The following VPS13C variants were observed in gnomAD, a reference collection of about 807,000 sequenced individuals.
VPS13C encodes vacuolar protein sorting 13 homolog C, also known as intermembrane lipid transfer protein VPS13C.
Under a neutral mutation model 456.8 loss-of-function variants are expected in VPS13C, and 358 were observed. The observed-to-expected ratio is 0.78, with a 90% confidence interval of 0.72 to 0.86. The LOEUF is 0.86. Among genes scored for constraint, VPS13C ranks in the 40% least tolerant of loss-of-function variants. The probability of loss-of-function intolerance (pLI) is 0.00; values close to 1 mark genes in which losing one functional copy is unlikely to be tolerated. For synonymous variants in VPS13C, 1,578 were observed against 1,486.7 expected (o/e 1.06, Z -1.41); for missense variants, 4,818 against 4,385.4 (o/e 1.10, Z -2.79).
chr15:61,977,250 G>A (rs187463588), intron 23 of VPS13C, 51 bp from the exon 24 acceptor site: 8 of 1,061,610 alleles, frequency 7.5e-6, no homozygotes, highest in Non-Finnish European at 9.3e-6. Flanking sequence ...AACAGCCATG[G>A]AACATGGATA....
chr15:62,042,022 C>T (rs2048258110), intron 2 of VPS13C, among the ~76,000 whole-genome samples: 2 of 152,120 alleles, frequency 1.3e-5, no homozygotes, highest in East Asian at 3.9e-4. Context: ...AATACTAGAA[C>T]AGAAAAAAGA....
chr15:62,000,047 T>A (rs1352164861), intron 16 of VPS13C, among the ~76,000 whole-genome samples: 2 of 152,096 alleles, frequency 1.3e-5, no homozygotes. Context: ...TTCTTGGAGT[T>A]TTTCAGATTT....
At position 61,977,114 on chromosome 15, in the gene VPS13C, C is replaced by G; in HGVS notation, c.2376G>C (p.Lys792Asn). The change falls in exon 24 of 85, where the codon AAG (lysine) becomes AAC (asparagine). Residue 792 changes from lysine (K) to asparagine (N), a missense_variant. Coordinates refer to ENST00000644861, the MANE Select transcript of VPS13C (RefSeq NM_020821.3). ...QPMDIHVELAKAMVEKDIRMA... is the reference protein window; with the variant it reads ...QPMDIHVELANAMVEKDIRMA... Reference sequence around the variant, plus strand: ...TTCTAATGTCTTTTTCTACCATGGCCTTAGCCAACTCAACATGAATATCCA... The same window carrying G: ...TTCTAATGTCTTTTTCTACCATGGCGTTAGCCAACTCAACATGAATATCCA... The G allele has an allele frequency of 6.2e-7, 1 of 1,601,266 alleles. No homozygotes were observed. Among genetic ancestry groups the G allele is most frequent in the Non-Finnish European group, 8.5e-7 (1 of 1,174,380 alleles).
rs940860038 is a variant in VPS13C, at chr15:61,967,446, T to A, written c.2913A>T (p.Gly971=). 3 of 1,585,906 alleles carry A rather than the reference T, an allele frequency of 1.9e-6. No homozygotes were observed. In the African/African-American group the frequency reaches 4.1e-5, roughly 22 times the overall value. The change falls in exon 29 of 85, where the codon GGA becomes GGT. Residue 971 remains glycine, a splice_region_variant and synonymous_variant. Transcript: ENST00000644861. ...TCAAGTGAAGGGGCTTCCTTTTGGA[T>A]CCTAGATTAAAGAAAAAGGAAAAAA... The part of the protein sequence containing the change: ...KISLDYHEIE[G]SKRKPLHLIS...
intron 15 of VPS13C, among the ~76,000 whole-genome samples, chr15:62,002,780 C>A (rs1596460595): frequency 6.6e-6 from 1 of 152,150 alleles, no homozygotes; most frequent in African/African-American, 2.4e-5. Flanking sequence ...ATAGGGAATC[C>A]TTTCCCCATT....
chr15:61,960,995 C>T (rs1014132194), intron 35 of VPS13C, among the ~76,000 whole-genome samples: 9 of 150,148 alleles, frequency 6.0e-5, no homozygotes, highest in African/African-American at 2.2e-4. Context: ...GCAGGAGAAT[C>T]ACTTGAATCC....
At chr15:62,048,061 GTTTTTTGGT>G (rs2048480107) in intron 1 of VPS13C, among the ~76,000 whole-genome samples, 1 of 142,686 alleles carries the variant, frequency 7.0e-6, no homozygotes, top group African/African-American at 2.7e-5. Flanking sequence ...TTTGTTTTTG[GTTTTTTGGT>G]TTTTTTTTTT....
In VPS13C at chr15:62,035,043, G is replaced by C; in HGVS notation, c.197C>G (p.Thr66Ser). Residue 66 changes from threonine to serine, a missense_variant, in exon 4 of 85, where the codon ACT becomes AGT. Thr to Ser is a moderately conservative substitution (Grantham distance 58). This residue lies in a region of VPS13C where 4,552 missense variants were observed against 4,130.6 expected (regional missense o/e 1.10). Transcript: ENST00000644861. The part of the protein sequence containing the change: ...KVKAGQIDKL[T>S]LKIPWKNLYG... ...AAGGTTCTTCCAAGGAATCTTCAAAGTTAATTTATCTAAGGAAACATAATT... is the reference window on the plus strand; with the variant it reads ...AAGGTTCTTCCAAGGAATCTTCAAACTTAATTTATCTAAGGAAACATAATT... The C allele has an allele frequency of 6.2e-7, 1 of 1,603,808 alleles. No homozygotes were observed. Among genetic ancestry groups the C allele is most frequent in the Non-Finnish European group, 8.5e-7 (1 of 1,173,692 alleles).
chr15:61,879,118 G>A (rs1263879643), intron 73 of VPS13C, among the ~76,000 whole-genome samples: 1 of 151,992 alleles, frequency 6.6e-6, no homozygotes, highest in Non-Finnish European at 1.5e-5. Context: ...ACAATAACAT[G>A]ACAATTAAGG....
At chr15:61,872,078 G>A (rs1895076037) in intron 78 of VPS13C, 44 bp from the exon 79 acceptor site, 1 of 1,576,572 alleles carries the variant, frequency 6.3e-7, no homozygotes, top group Non-Finnish European at 8.7e-7. Context: ...AATGGAAGGT[G>A]TTTAATTTTA....
rs1006810376 is a variant in VPS13C at position 61,890,115 on chromosome 15, A to G, written c.9341+50T>C. 4 of 1,568,476 alleles carry G rather than the reference A, an allele frequency of 2.6e-6. No homozygotes were observed. In the African/African-American group the frequency reaches 5.4e-5, roughly 21 times the overall value. On this transcript the variant is annotated intron_variant, in intron 67 of 84. Coordinates refer to ENST00000644861, the MANE Select transcript of VPS13C (RefSeq NM_020821.3). ...ACTTTCTTCAAATCGGCTATTATGA[A>G]CTTAATGCCTTTTAAAGGTTTAGGA...
chr15:62,006,841 T>C (rs1336103617), intron 15 of VPS13C, among the ~76,000 whole-genome samples: 1 of 152,206 alleles, frequency 6.6e-6, no homozygotes, highest in Non-Finnish European at 1.5e-5. Flanking sequence ...TGATTTGCAT[T>C]TCTCTGATGG....
At chr15:61,966,197 C>A in intron 29 of VPS13C, 55 bp from the exon 30 acceptor site, 5 of 1,226,096 alleles carry the variant, frequency 4.1e-6, no homozygotes, top group South Asian at 1.4e-5. Context: ...GTAAATAAAT[C>A]ACTTATTTAT....
chr15:61,918,304 C>G, intron 58 of VPS13C, 47 bp from the exon 59 acceptor site: 1 of 1,440,106 alleles, frequency 6.9e-7, no homozygotes, highest in Non-Finnish European at 9.2e-7. Flanking sequence ...TATGTAAGTT[C>G]GAAAGAAAAA....
At chr15:61,896,735 T>C (rs896521545) in intron 66 of VPS13C, among the ~76,000 whole-genome samples, 3 of 152,222 alleles carry the variant, frequency 2.0e-5, no homozygotes, top group African/African-American at 7.2e-5. Flanking sequence ...AAGCTCGAAC[T>C]GGGTGTAGCC....
intron 10 of VPS13C, among the ~76,000 whole-genome samples, 165 bp downstream of exon 10, chr15:62,013,768 G>T (rs1015457266): frequency 1.3e-5 from 2 of 151,888 alleles, no homozygotes; most frequent in African/African-American, 4.8e-5. Context: ...TCTCAGAACT[G>T]GTAAGTGATT....
chr15:61,918,119 AT>A lies in VPS13C; in HGVS notation c.7760+16del, dbSNP rs2043531697. 6.4e-7 allele frequency: 1 copy of A among 1,566,466 alleles called. No individual in the cohort carries two copies. Among genetic ancestry groups the A allele is most frequent in the African/African-American group, 1.4e-5 (1 of 71,474 alleles). ...ACTCAATACATTTAAAGTTTAATAC[AT>A]TTAAGAAGTATCTACCTATATGAAT... On this transcript the variant is annotated intron_variant, in intron 59 of 84. Transcript: ENST00000644861.
chr15:61,999,054 G>C (rs2046499474), intron 16 of VPS13C, among the ~76,000 whole-genome samples: 1 of 152,102 alleles, frequency 6.6e-6, no homozygotes, highest in African/African-American at 2.4e-5. Context: ...TTAACAGTAG[G>C]CTATCAGTAG....
chr15:61,880,608 C>T lies in VPS13C; in HGVS notation c.10002+1G>A. The T allele has an allele frequency of 1.9e-6, 3 of 1,551,782 alleles. 1 individual carries two copies. Among genetic ancestry groups the T allele is most frequent in the East Asian group, 4.6e-5 (2 of 43,828 alleles). ...TTTTCAAAATAATAATTACAACAAA[C>T]CTTCACAGGAGAAATATGGAAATGT... On this transcript the variant is annotated splice_donor_variant, in intron 73 of 84. Coordinates refer to ENST00000644861, the MANE Select transcript of VPS13C (RefSeq NM_020821.3). LOFTEE classifies it high-confidence loss of function.
Sources: gnomAD v4.1 joint callset for allele counts (sites outside exome capture counted in the v4.1 genomes callset) on GRCh38, gnomAD v4.1.1 for gene constraint, gnomAD v4.1.1 regional missense constraint, MANE v1.5 for transcripts, NCBI Gene and HGNC (gene_info 2026-07-23, HGNC 2026-07-21) for gene names.